Variants in PRKG1 observed in about 807,000 individuals in gnomAD.
PRKG1 encodes the protein cGMP-dependent protein kinase 1.
In PRKG1, 35 loss-of-function variants were observed where a neutral mutation model predicts 88.1. The observed-to-expected ratio is 0.40, with a 90% CI of 0.30 to 0.53. The LOEUF (loss-of-function observed/expected upper bound fraction) is 0.53. Among genes scored for constraint, PRKG1 ranks in the 20% least tolerant of loss-of-function variants. The probability of loss-of-function intolerance (pLI) is 0.59; values close to 1 mark genes in which losing one functional copy is unlikely to be tolerated. For missense variants in PRKG1, 540 were observed against 839.8 expected (o/e 0.64, Z 4.41); for synonymous variants, 303 against 292.5 (o/e 1.04, Z -0.37).
intron 2 of PRKG1, among the ~76,000 whole-genome samples, chr10:51,259,372 C>A (rs1183218485): frequency 6.6e-6 from 1 of 152,148 alleles, no homozygotes; most frequent in Non-Finnish European, 1.5e-5. Flanking sequence ...TTATTTTGTC[C>A]TTACCATGTG....
In PRKG1 at chr10:51,807,237, G is replaced by A. The variant is rs558052327; in HGVS notation, c.698+2547G>A. On this transcript the variant is annotated intron_variant, in intron 4 of 17. Transcript: ENST00000373980. ...TCAGCACTCATTGAAGAATGAAAAT[G>A]CAGGACCTCTTTCAAAAATTGATAA... Among the ~76,000 whole-genome samples, 5 of 152,260 alleles carry A rather than the reference G, an allele frequency of 3.3e-5. No individual in the cohort carries two copies. In the South Asian group the frequency reaches 1.0e-3, roughly 32 times the overall value.
chr10:51,590,747 T>G (rs1423211462), intron 3 of PRKG1, among the ~76,000 whole-genome samples: 1 of 152,138 alleles, frequency 6.6e-6, no homozygotes, highest in African/African-American at 2.4e-5. Flanking sequence ...GGGTTGATTT[T>G]GCAGTTTGTG....
chr10:51,314,639 A>G (rs1414539629), intron 2 of PRKG1, among the ~76,000 whole-genome samples: 1 of 152,226 alleles, frequency 6.6e-6, no homozygotes, highest in Non-Finnish European at 1.5e-5. Context: ...GGAAACTTGG[A>G]TAACTACTGA....
intron 3 of PRKG1, among the ~76,000 whole-genome samples, chr10:51,691,018 A>G (rs1841127791): frequency 1.3e-5 from 2 of 150,340 alleles, no homozygotes; most frequent in African/African-American, 4.9e-5. Flanking sequence ...TAATATCTAC[A>G]TATATGAATA....
chr10:51,080,497 G>C (rs565167329), intron 1 of PRKG1, among the ~76,000 whole-genome samples: 1 of 151,990 alleles, frequency 6.6e-6, no homozygotes, highest in Admixed American at 6.6e-5. Context: ...AACCATATTC[G>C]AACACCAGGC....
chr10:51,981,692 T>A (rs78942777), intron 5 of PRKG1, among the ~76,000 whole-genome samples: 1 of 152,198 alleles, frequency 6.6e-6, no homozygotes, highest in Non-Finnish European at 1.5e-5. Flanking sequence ...CTGTTAGTCT[T>A]ATGGGCTTCC....
intron 4 of PRKG1, among the ~76,000 whole-genome samples, chr10:51,858,325 T>A (rs1333882492): frequency 9.8e-5 from 2 of 20,512 alleles, no homozygotes; most frequent in African/African-American, 5.6e-4. Context: ...TAATATGTAT[T>A]ATATATAATA....
rs928821066 is a variant in PRKG1 at position 52,292,907 on chromosome 10, T to C, written c.1963-895T>C. Among the ~76,000 whole-genome samples, 123 of 152,118 alleles carry C rather than the reference T, an allele frequency of 8.1e-4. 2 individuals are homozygous for C. Among genetic ancestry groups the C allele is most frequent in the South Asian group, 6.8e-3 (33 of 4,820 alleles). ...TTCAACATAGTGTTGGAAGTTCTGG[T>C]CAGGGCAATTAGGCAGGAGAAGTAA... On this transcript the variant is annotated intron_variant, in intron 17 of 17. Coordinates refer to ENST00000373980, the MANE Select transcript of PRKG1 (RefSeq NM_006258.4).
At chr10:51,979,611 C>CTTTTTTTT in intron 5 of PRKG1, among the ~76,000 whole-genome samples, 1 of 72,308 alleles carries the variant, frequency 1.4e-5, no homozygotes, top group Non-Finnish European at 2.6e-5. Flanking sequence ...TGGTCCTGGG[C>CTTTTTTTT]TTTTTTTTTT....
At chr10:52,290,392 TAAAC>T (rs1385101584) in intron 17 of PRKG1, 102 bp downstream of exon 17, 6 of 969,878 alleles carry the variant, frequency 6.2e-6, no homozygotes, top group African/African-American at 3.3e-5. Context: ...ATGATTAAGT[TAAAC>T]AAACTCTAGG....
At chr10:52,159,996 T>C (rs1165300832) in intron 8 of PRKG1, among the ~76,000 whole-genome samples, 1 of 152,010 alleles carries the variant, frequency 6.6e-6, no homozygotes, top group Non-Finnish European at 1.5e-5. Flanking sequence ...AGAAGCATTA[T>C]GGAATATACA....
chr10:51,298,398 A>G (rs1161248114), intron 2 of PRKG1, among the ~76,000 whole-genome samples: 1 of 152,200 alleles, frequency 6.6e-6, no homozygotes, highest in African/African-American at 2.4e-5. Context: ...TCCACCAATT[A>G]CTGATTACAT....
intron 1 of PRKG1, among the ~76,000 whole-genome samples, chr10:51,097,962 C>T (rs1655623462): frequency 1.3e-5 from 2 of 152,134 alleles, no homozygotes; most frequent in African/African-American, 4.8e-5. Flanking sequence ...AAAAACTAGC[C>T]TTCTTTTCGT....
chr10:51,300,267 C>A (rs1320135212), intron 2 of PRKG1, among the ~76,000 whole-genome samples: 3 of 152,180 alleles, frequency 2.0e-5, no homozygotes, highest in Non-Finnish European at 4.4e-5. Context: ...GCTCTCCATG[C>A]AGCTTTTCTT....
intron 3 of PRKG1, among the ~76,000 whole-genome samples, chr10:51,552,660 C>T (rs780149297): frequency 6.6e-6 from 1 of 151,650 alleles, no homozygotes; most frequent in Non-Finnish European, 1.5e-5. Context: ...CAAGAAACAA[C>T]ATAAAATGAC....
intron 10 of PRKG1, among the ~76,000 whole-genome samples, chr10:52,257,985 T>G (rs1205965317): frequency 7.2e-6 from 1 of 139,578 alleles, no homozygotes; most frequent in Non-Finnish European, 1.6e-5. Flanking sequence ...TAAGCATTAC[T>G]TCATCTCATT....
chr10:52,189,749 T>C (rs1175486094), intron 9 of PRKG1, among the ~76,000 whole-genome samples: 1 of 152,176 alleles, frequency 6.6e-6, no homozygotes, highest in Non-Finnish European at 1.5e-5. Flanking sequence ...TTGCCAGTTA[T>C]CAAATTAGTT....
chr10:52,174,735 C>T (rs187092683), intron 9 of PRKG1, among the ~76,000 whole-genome samples: 5 of 151,800 alleles, frequency 3.3e-5, no homozygotes, highest in African/African-American at 4.8e-5. Context: ...ATATTCCCAG[C>T]GACATGTATT....
At chr10:51,004,108 G>C (rs569291544) in intron 1 of PRKG1, among the ~76,000 whole-genome samples, 5 of 152,160 alleles carry the variant, frequency 3.3e-5, no homozygotes, top group African/African-American at 1.2e-4. Flanking sequence ...GACTTTTTTA[G>C]TTTATGTGAT....
Sources: gnomAD v4.1 joint callset for allele counts (sites outside exome capture counted in the v4.1 genomes callset) on GRCh38, gnomAD v4.1.1 for gene constraint, MANE v1.5 for transcripts, NCBI Gene and HGNC (gene_info 2026-07-23, HGNC 2026-07-21) for gene names.